The following CPNE8 variants were observed in gnomAD, a reference collection of about 807,000 sequenced individuals.
CPNE8 encodes copine 8.
CPNE8 carries 45 observed loss-of-function variants against 81.5 expected under a neutral mutation model. The ratio of observed to expected loss-of-function variants is 0.55; its 90% CI spans 0.44 to 0.71. CPNE8 has a LOEUF of 0.71. Ranked by LOEUF, CPNE8 falls within the 30% of genes least tolerant of loss-of-function variation. The pLI is 0.00. For synonymous variants in CPNE8, 252 were observed against 226.3 expected (o/e 1.11, Z -1.02); for missense variants, 594 against 672.1 (o/e 0.88, Z 1.28).
At chr12:38,667,062 C>T (rs1939072301) in intron 19 of CPNE8, among the ~76,000 whole-genome samples, 1 of 152,238 alleles carries the variant, frequency 6.6e-6, no homozygotes, top group Non-Finnish European at 1.5e-5. Flanking sequence ...CTATCTACTA[C>T]CCCCAATATT....
intron 16 of CPNE8, among the ~76,000 whole-genome samples, chr12:38,683,195 G>A (rs774613890): frequency 6.6e-6 from 1 of 152,028 alleles, no homozygotes; most frequent in Non-Finnish European, 1.5e-5. Context: ...TTCTTAAAAA[G>A]AGTAAGCATT....
intron 6 of CPNE8, among the ~76,000 whole-genome samples, chr12:38,786,712 G>T (rs778461592): frequency 6.6e-6 from 1 of 152,020 alleles, no homozygotes; most frequent in Non-Finnish European, 1.5e-5. Flanking sequence ...GACAAAATAG[G>T]TTTCAAGACA....
chr12:38,715,627 T>G (rs183282373), intron 13 of CPNE8, among the ~76,000 whole-genome samples: 1 of 152,092 alleles, frequency 6.6e-6, no homozygotes, highest in African/African-American at 2.4e-5. Context: ...AAAATAAGCA[T>G]GCAAAGGACT....
At position 38,831,399 on chromosome 12, in the gene CPNE8, A is replaced by G. The variant is rs187049224; in HGVS notation, c.331-1944T>C. Among the ~76,000 whole-genome samples the G allele has an allele frequency of 2.3e-3, 350 of 152,288 alleles. 2 individuals are homozygous for G. Among genetic ancestry groups the G allele is most frequent in the African/African-American group, 8.1e-3 (337 of 41,560 alleles). The stretch of plus-strand genomic sequence containing the variant: ...TTGCAGAGTGATTTCAGGAATGAGG[A>G]AAAAAACTAGAAGCCAGATCAATCA... On this transcript the variant is annotated intron_variant, in intron 5 of 19. Transcript: ENST00000331366.
At chr12:38,793,572 A>C (rs1196838549) in intron 6 of CPNE8, among the ~76,000 whole-genome samples, 2 of 151,994 alleles carry the variant, frequency 1.3e-5, no homozygotes, top group East Asian at 3.8e-4. Context: ...AATTAAAGGC[A>C]CAGATAAATG....
chr12:38,803,610 C>A (rs1387908686), intron 6 of CPNE8, among the ~76,000 whole-genome samples: 1 of 143,014 alleles, frequency 7.0e-6, no homozygotes, highest in East Asian at 2.2e-4. Context: ...GACAGGGATG[C>A]CCTCTCTCAC....
chr12:38,846,441 A>T (rs1943561892), intron 4 of CPNE8, among the ~76,000 whole-genome samples: 2 of 152,128 alleles, frequency 1.3e-5, no homozygotes, highest in East Asian at 3.9e-4. Context: ...ACTACAGAAG[A>T]TTTTGGGAGC....
chr12:38,871,606 A>G (rs1203124462), intron 3 of CPNE8, among the ~76,000 whole-genome samples: 1 of 152,222 alleles, frequency 6.6e-6, no homozygotes, highest in African/African-American at 2.4e-5. Flanking sequence ...AATGGGTCTG[A>G]ATAAAAAGGC....
intron 13 of CPNE8, among the ~76,000 whole-genome samples, chr12:38,717,879 C>G (rs1029708240): frequency 6.6e-6 from 1 of 151,866 alleles, no homozygotes; most frequent in Non-Finnish European, 1.5e-5. Context: ...AAGCCAGCAA[C>G]AAAACCATCC....
chr12:38,767,523 TC>T (rs1941714107), intron 8 of CPNE8, 111 bp downstream of exon 8: 4 of 617,488 alleles, frequency 6.5e-6, no homozygotes, highest in African/African-American at 1.9e-5. Flanking sequence ...ATTTTTAAAA[TC>T]TCAAACTATT....
chr12:38,898,141 G>C (rs775921340), intron 1 of CPNE8, among the ~76,000 whole-genome samples: 7 of 152,110 alleles, frequency 4.6e-5, no homozygotes, highest in Non-Finnish European at 1.5e-5. Flanking sequence ...ACCTAAAGGA[G>C]CACAGCTATT....
chr12:38,787,555 G>C (rs1942223193), intron 6 of CPNE8, among the ~76,000 whole-genome samples: 1 of 141,696 alleles, frequency 7.1e-6, no homozygotes, highest in South Asian at 2.3e-4. Context: ...AGAAAAGCAA[G>C]AGCAAATCAA....
chr12:38,760,940 T>C (rs1421221663), intron 9 of CPNE8, 52 bp from the exon 10 acceptor site: 1 of 1,282,954 alleles, frequency 7.8e-7, no homozygotes, highest in Non-Finnish European at 1.1e-6. Flanking sequence ...ATCAAAATAA[T>C]GTATGGTTGA....
At chr12:38,850,041 C>A (rs1943620990) in intron 3 of CPNE8, among the ~76,000 whole-genome samples, 1 of 152,084 alleles carries the variant, frequency 6.6e-6, no homozygotes, top group South Asian at 2.1e-4. Context: ...ATGAGCCTAT[C>A]CATTTTAATT....
chr12:38,878,445 G>C (rs1310265566), intron 1 of CPNE8, among the ~76,000 whole-genome samples: 1 of 152,148 alleles, frequency 6.6e-6, no homozygotes, highest in East Asian at 1.9e-4. Flanking sequence ...CCTGACTCCT[G>C]TGCCTTCCTA....
chr12:38,883,375 T>C (rs1171607776), intron 1 of CPNE8, among the ~76,000 whole-genome samples: 1 of 152,186 alleles, frequency 6.6e-6, no homozygotes, highest in Non-Finnish European at 1.5e-5. Flanking sequence ...TCAGAGACTC[T>C]ACAGAGAAAG....
intron 10 of CPNE8, among the ~76,000 whole-genome samples, chr12:38,744,855 TA>T (rs1463302616): frequency 6.6e-6 from 1 of 152,230 alleles, no homozygotes; most frequent in African/African-American, 2.4e-5. Context: ...ATGGCATTCA[TA>T]ACAGTGATTT....
At chr12:38,715,835 A>C (rs1940373376) in intron 13 of CPNE8, among the ~76,000 whole-genome samples, 1 of 152,044 alleles carries the variant, frequency 6.6e-6, no homozygotes, top group Admixed American at 6.6e-5. Flanking sequence ...TCTAAATTGG[A>C]AGAGAGGATG....
At chr12:38,866,961 C>T (rs1199628572) in intron 3 of CPNE8, among the ~76,000 whole-genome samples, 4 of 152,050 alleles carry the variant, frequency 2.6e-5, no homozygotes, top group Non-Finnish European at 2.9e-5. Flanking sequence ...TAGGTTCAAG[C>T]GATTCTCCTG....
Sources: gnomAD v4.1 joint callset for allele counts (sites outside exome capture counted in the v4.1 genomes callset) on GRCh38, gnomAD v4.1.1 for gene constraint, MANE v1.5 for transcripts, NCBI Gene and HGNC (gene_info 2026-07-23, HGNC 2026-07-21) for gene names.